ADGRE3: variants seen among roughly 807,000 people sequenced by gnomAD.
ADGRE3 encodes EGF-like module receptor 3.
Under a neutral mutation model 80.1 loss-of-function variants are expected in ADGRE3, and 88 were observed. The ratio of observed to expected loss-of-function variants is 1.10; its 90% CI spans 0.93 to 1.31. The LOEUF (loss-of-function observed/expected upper bound fraction) is 1.31, where lower values mean the gene tolerates loss of function less well. Among genes scored for constraint, ADGRE3 ranks in the 40% most tolerant of loss-of-function variants. ADGRE3 has a pLI of 0.00. For synonymous variants in ADGRE3, 281 were observed against 294.8 expected (o/e 0.95, Z 0.48); for missense variants, 715 against 776.5 (o/e 0.92, Z 0.94).
chr19:14,624,616 A>T (rs1185688546), intron 15 of ADGRE3, among the ~76,000 whole-genome samples: 1 of 151,804 alleles, frequency 6.6e-6, no homozygotes, highest in Non-Finnish European at 1.5e-5. Flanking sequence ...TTAGTAGGGC[A>T]TGGTGGTGCA....
At position 14,630,141 on chromosome 19, in the gene ADGRE3, T is replaced by C; in HGVS notation, c.1710A>G (p.Leu570=). Residue 570 remains leucine, a synonymous_variant, in exon 14 of 16, where the codon CTA becomes CTG. Coordinates refer to ENST00000253673, the MANE Select transcript of ADGRE3 (RefSeq NM_032571.5). ...TGACCTGGGCAGCTGGACCCACCTGTAGCAAGCCCAGACACCATGTGCAGC... is the reference window on the plus strand; with the variant it reads ...TGACCTGGGCAGCTGGACCCACCTGCAGCAAGCCCAGACACCATGTGCAGC... ...ILGCTWCLGL[L]QVGPAAQVMA... 2 of 1,613,732 alleles carry C rather than the reference T, an allele frequency of 1.2e-6. No homozygotes were observed. Among genetic ancestry groups the C allele is most frequent in the Non-Finnish European group, 8.5e-7 (1 of 1,179,732 alleles).
At chr19:14,641,359 G>T in intron 10 of ADGRE3, 60 bp downstream of exon 10, 1 of 1,595,450 alleles carries the variant, frequency 6.3e-7, no homozygotes, top group Non-Finnish European at 8.6e-7. Flanking sequence ...GTGCAGCATT[G>T]CTCCATGAGC....
chr19:14,650,669 C>A (rs1971578388), intron 7 of ADGRE3, among the ~76,000 whole-genome samples: 1 of 149,176 alleles, frequency 6.7e-6, no homozygotes, highest in African/African-American at 2.5e-5. Flanking sequence ...CTCTCTCTCT[C>A]TCTCTCTCTC....
intron 8 of ADGRE3, among the ~76,000 whole-genome samples, chr19:14,644,829 G>A (rs1018773576): frequency 6.6e-6 from 1 of 152,126 alleles, no homozygotes; most frequent in Non-Finnish European, 1.5e-5. Flanking sequence ...TGGCTCAAAC[G>A]ATCCTCCCAT....
the ADGRE3 span, among the ~76,000 whole-genome samples, chr19:14,609,487 G>A: frequency 6.6e-6 from 1 of 152,158 alleles, no homozygotes; most frequent in Admixed American, 6.6e-5. Context: ...GGTTGGGTTG[G>A]GAGGTTGTAA....
At position 14,641,458 on chromosome 19, in the gene ADGRE3, G is replaced by T. The variant is rs1220283076; in HGVS notation, c.1209C>A (p.His403Gln). 6.2e-7 allele frequency: 1 copy of T among 1,614,182 alleles called. No homozygotes were observed. Among genetic ancestry groups the T allele is most frequent in the East Asian group, 2.2e-5 (1 of 44,886 alleles). Residue 403 changes from histidine (H) to glutamine (Q), a missense_variant, in exon 10 of 16, where the codon CAC becomes CAA. Physicochemically the swap from His to Gln is conservative, Grantham distance 24. Transcript: ENST00000253673. ...GATCAATCCCCACGAGGAAGAGGAGGTGGGCCAGGAAGAGGCAGAGCGAGA... is the reference window on the plus strand; with the variant it reads ...GATCAATCCCCACGAGGAAGAGGAGTTGGGCCAGGAAGAGGCAGAGCGAGA... ...LQLSLCLFLA[H>Q]LLFLVGIDRT...
chr19:14,646,411 C>CT (rs957398199), intron 8 of ADGRE3, among the ~76,000 whole-genome samples: 1 of 151,766 alleles, frequency 6.6e-6, no homozygotes, highest in African/African-American at 2.4e-5. Flanking sequence ...TTCTTCTTTT[C>CT]TTTTTTTGTT....
the ADGRE3 span, chr19:14,606,893 CG>C: frequency 2.2e-6 from 1 of 451,278 alleles, no homozygotes; most frequent in Non-Finnish European, 3.6e-6. Context: ...TGGGAGGTGA[CG>C]TTCCCAAGCC....
chr19:14,606,236 C>T, the ADGRE3 span, among the ~76,000 whole-genome samples: 1 of 151,918 alleles, frequency 6.6e-6, no homozygotes, highest in Non-Finnish European at 1.5e-5. Flanking sequence ...CTAAGACGTC[C>T]ACAGTATGAG....
At chr19:14,632,339 T>C (rs1197640749) in intron 13 of ADGRE3, among the ~76,000 whole-genome samples, 1 of 152,166 alleles carries the variant, frequency 6.6e-6, no homozygotes, top group Non-Finnish European at 1.5e-5. Flanking sequence ...GTATCTTGTG[T>C]AGTGTGGCAG....
intron 9 of ADGRE3, 41 bp from the exon 10 acceptor site, chr19:14,641,657 A>T (rs760432327): frequency 1.6e-5 from 26 of 1,603,038 alleles, no homozygotes; most frequent in Non-Finnish European, 2.0e-5. Context: ...GCTTTCCTGC[A>T]CTGGGATTAT....
At chr19:14,608,873 C>T in the ADGRE3 span, among the ~76,000 whole-genome samples, 2 of 150,430 alleles carry the variant, frequency 1.3e-5, no homozygotes, top group African/African-American at 4.9e-5. Context: ...AATCTTGGCT[C>T]ACTGCAACTT....
chr19:14,602,548 C>T, the ADGRE3 span, among the ~76,000 whole-genome samples: 1 of 152,138 alleles, frequency 6.6e-6, no homozygotes, highest in Admixed American at 6.6e-5. Context: ...CCGCCTTCAC[C>T]TCCCAAAGTG....
In ADGRE3 at chr19:14,655,169, T is replaced by G; in HGVS notation, c.394-4A>C. ...ATTTGTCCACAATCTTTTGCAGCTT[T>G]GAAGACATAAAGAATTTTCATTTTT... On this transcript the variant is annotated splice_polypyrimidine_tract_variant and splice_region_variant and intron_variant, in intron 5 of 15. Transcript: ENST00000253673. The G allele has an allele frequency of 1.9e-6, 3 of 1,602,462 alleles. No homozygotes were observed. The highest frequency in any genetic ancestry group is 2.6e-6 in the Non-Finnish European group (3 of 1,176,448).
At chr19:14,668,974 G>C (rs982129301) in intron 1 of ADGRE3, 122 bp from the exon 2 acceptor site, 1 of 904,538 alleles carries the variant, frequency 1.1e-6, no homozygotes, top group East Asian at 2.6e-5. Context: ...AAATGTAGTG[G>C]CTTAAAGCTA....
intron 9 of ADGRE3, among the ~76,000 whole-genome samples, chr19:14,643,255 C>T (rs1449351172): frequency 6.6e-6 from 1 of 151,222 alleles, no homozygotes; most frequent in Non-Finnish European, 1.5e-5. Context: ...AAGCAATTCT[C>T]CTGCCTCAGC....
chr19:14,624,346 G>A (rs1054307268), intron 15 of ADGRE3, among the ~76,000 whole-genome samples: 2 of 152,100 alleles, frequency 1.3e-5, no homozygotes, highest in African/African-American at 2.4e-5. Context: ...TGCCCACCTC[G>A]GCCTCCCAAA....
chr19:14,633,035 G>T, intron 12 of ADGRE3, 23 bp from the exon 13 acceptor site: 1 of 1,574,064 alleles, frequency 6.4e-7, no homozygotes, highest in Non-Finnish European at 8.7e-7. Context: ...CACAAACAAG[G>T]CAGAGTGCAA....
intron 2 of ADGRE3, among the ~76,000 whole-genome samples, chr19:14,666,259 A>T (rs980091133): frequency 2.6e-5 from 4 of 151,436 alleles, no homozygotes; most frequent in African/African-American, 9.7e-5. Flanking sequence ...CAAAGCCAAC[A>T]TCTATTATTT....
Sources: gnomAD v4.1 joint callset for allele counts (sites outside exome capture counted in the v4.1 genomes callset) on GRCh38, gnomAD v4.1.1 for gene constraint, MANE v1.5 for transcripts, NCBI Gene and HGNC (gene_info 2026-07-23, HGNC 2026-07-21) for gene names.